The following ATP9A variants were observed in gnomAD, a reference collection of about 807,000 sequenced individuals.
ATP9A encodes the protein ATPase phospholipid transporting 9A.
ATP9A carries 52 observed loss-of-function variants against 144.1 expected under a neutral mutation model. That is an observed-to-expected ratio of 0.36 (90% confidence interval 0.29 to 0.45). The LOEUF is 0.45. ATP9A is among the 20% of genes least tolerant of loss of function. The pLI is 1.00. For synonymous variants in ATP9A, 582 were observed against 557.4 expected, an observed-to-expected ratio of 1.04 and a Z score of -0.62; for missense variants, 947 against 1,392.7, an observed-to-expected ratio of 0.68 and a Z score of 5.09.
intron 14 of ATP9A, among the ~76,000 whole-genome samples, chr20:51,654,498 A>G (rs1308351080): frequency 6.6e-6 from 1 of 151,810 alleles, no homozygotes; most frequent in African/African-American, 2.4e-5. Flanking sequence ...ATGTTGGTAC[A>G]AGAGTTAAAT....
In ATP9A at chr20:51,597,977, G is replaced by A; in HGVS notation, c.*3234C>T. Reference sequence around the variant, plus strand: ...CAGCACGTGGTCTAATGGCCCCAGGGGCTGGAAAAGGGAGGTCTGCTCCAA... The same window carrying A: ...CAGCACGTGGTCTAATGGCCCCAGGAGCTGGAAAAGGGAGGTCTGCTCCAA... On this transcript the variant is annotated 3_prime_UTR_variant, in exon 28 of 28. Transcript: ENST00000338821. 6.6e-6 allele frequency: 1 copy of A among 152,110 alleles called. No homozygotes were observed. The highest frequency in any genetic ancestry group is 1.5e-5 in the Non-Finnish European group (1 of 68,028). 9.4% of individuals were successfully genotyped at this position (152,110 alleles called of 1,614,324 possible). A position where few individuals can be genotyped will look rare whatever the true frequency, so the allele number is the denominator to read the frequency against.
chr20:51,640,609 C>G (rs1601075571), intron 14 of ATP9A, among the ~76,000 whole-genome samples: 1 of 152,242 alleles, frequency 6.6e-6, no homozygotes, highest in South Asian at 2.1e-4. Flanking sequence ...ACAGCACACA[C>G]TCTTCCCTTC....
intron 13 of ATP9A, among the ~76,000 whole-genome samples, chr20:51,665,091 C>T (rs762596622): frequency 8.7e-5 from 6 of 69,122 alleles, no homozygotes; most frequent in Non-Finnish European, 1.6e-4. Flanking sequence ...AAAGTACATA[C>T]ACCTGCTACA....
chr20:51,654,227 T>C (rs1262286572), intron 14 of ATP9A, among the ~76,000 whole-genome samples: 1 of 152,152 alleles, frequency 6.6e-6, no homozygotes, highest in African/African-American at 2.4e-5. Context: ...GCTTGAGCTA[T>C]TCCACAAACA....
chr20:51,698,408 G>C (rs532628861), intron 4 of ATP9A, among the ~76,000 whole-genome samples: 1 of 152,098 alleles, frequency 6.6e-6, no homozygotes, highest in South Asian at 2.1e-4. Flanking sequence ...CTATAGTCCC[G>C]GCTATTCGAG....
At chr20:51,649,472 A>G (rs8125464) in intron 14 of ATP9A, among the ~76,000 whole-genome samples, 7,521 of 152,296 alleles carry the variant, frequency 0.049, 605 homozygotes, top group African/African-American at 0.17. Flanking sequence ...GGCACAGAGC[A>G]GGTATTCAAT....
chr20:51,660,920 T>C (rs1301247726), intron 13 of ATP9A, among the ~76,000 whole-genome samples: 2 of 152,198 alleles, frequency 1.3e-5, no homozygotes, highest in African/African-American at 4.8e-5. Context: ...TATGACTCTT[T>C]TTGCCCTGGG....
At chr20:51,669,962 A>G in intron 13 of ATP9A, 35 bp downstream of exon 13, 1 of 1,492,752 alleles carries the variant, frequency 6.7e-7, no homozygotes, top group Non-Finnish European at 9.3e-7. Flanking sequence ...AAAAAGTCAA[A>G]GAATTGTTTT....
At chr20:51,759,113 G>C (rs1204561642) in intron 1 of ATP9A, among the ~76,000 whole-genome samples, 1 of 152,196 alleles carries the variant, frequency 6.6e-6, no homozygotes, top group East Asian at 1.9e-4. Flanking sequence ...TGTAACTGAA[G>C]GGGATGGCGC....
chr20:51,634,781 G>A (rs1435857353), intron 15 of ATP9A, among the ~76,000 whole-genome samples: 5 of 148,234 alleles, frequency 3.4e-5, no homozygotes, highest in Admixed American at 7.0e-5. Flanking sequence ...CTTGGACCCC[G>A]GAGGCGAAGG....
intron 4 of ATP9A, among the ~76,000 whole-genome samples, chr20:51,702,073 G>A (rs899102317): frequency 5.3e-5 from 8 of 152,150 alleles, no homozygotes; most frequent in African/African-American, 1.9e-4. Context: ...GCCGAGGCAG[G>A]TGGATCATGA....
chr20:51,690,325 C>T, intron 8 of ATP9A, among the ~76,000 whole-genome samples: 1 of 151,810 alleles, frequency 6.6e-6, no homozygotes, highest in East Asian at 1.9e-4. Flanking sequence ...GAGGCTGAGG[C>T]AGGAGAATGG....
chr20:51,671,879 A>T (rs2122788896), intron 11 of ATP9A, among the ~76,000 whole-genome samples: 1 of 152,134 alleles, frequency 6.6e-6, no homozygotes, highest in Middle Eastern at 3.4e-3. Flanking sequence ...GCTCACCACA[A>T]CCTTTGCCTC....
chr20:51,641,669 A>T (rs1186327196), intron 14 of ATP9A, among the ~76,000 whole-genome samples: 7 of 151,272 alleles, frequency 4.6e-5, no homozygotes, highest in Non-Finnish European at 8.8e-5. Context: ...ATAAAAATAA[A>T]AAAAATAAAA....
Position 51,601,164 on chromosome 20 carries a change from C to A in ATP9A, c.*47G>T. The A allele has an allele frequency of 6.5e-7, 1 of 1,539,840 alleles. No individual in the cohort carries two copies. The highest frequency in any genetic ancestry group is 8.7e-7 in the Non-Finnish European group (1 of 1,143,988). ...ATATAAATGGAACTTGAGCTCTGTC[C>A]ATCAGGGAAGCGCCAAGACCAGGGC... On this transcript the variant is annotated 3_prime_UTR_variant, in exon 28 of 28. Coordinates refer to ENST00000338821, the MANE Select transcript of ATP9A (RefSeq NM_006045.3).
Position 51,601,190 on chromosome 20 carries a change from C to A in ATP9A, c.*21G>T. 1 of 1,581,430 alleles carries A rather than the reference C, an allele frequency of 6.3e-7. No homozygotes were observed. The highest frequency in any genetic ancestry group is 8.6e-7 in the Non-Finnish European group (1 of 1,163,252). ...ATCAGGGAAGCGCCAAGACCAGGGCCCCCTCCAGCGAACGCACGGCCTATG... is the reference window on the plus strand; with the variant it reads ...ATCAGGGAAGCGCCAAGACCAGGGCACCCTCCAGCGAACGCACGGCCTATG... On this transcript the variant is annotated 3_prime_UTR_variant, in exon 28 of 28. Coordinates refer to ENST00000338821, the MANE Select transcript of ATP9A (RefSeq NM_006045.3).
chr20:51,615,784 C>T (rs1050345000), intron 22 of ATP9A, among the ~76,000 whole-genome samples: 2 of 152,048 alleles, frequency 1.3e-5, no homozygotes, highest in Non-Finnish European at 2.9e-5. Flanking sequence ...TACAGGCACC[C>T]ACTGCCATGC....
At chr20:51,723,077 G>C (rs558988884) in intron 3 of ATP9A, among the ~76,000 whole-genome samples, 2 of 152,240 alleles carry the variant, frequency 1.3e-5, no homozygotes, top group East Asian at 3.9e-4. Context: ...CCCATAAAAA[G>C]GAATGAATTA....
chr20:51,690,304 C>T (rs1275681062), intron 8 of ATP9A, among the ~76,000 whole-genome samples: 7 of 151,764 alleles, frequency 4.6e-5, no homozygotes, highest in African/African-American at 1.7e-4. Flanking sequence ...CCTGTAATCC[C>T]AGCTACTTGG....
Sources: allele counts gnomAD v4.1 joint callset (sites outside exome capture counted in the v4.1 genomes callset), GRCh38; gene constraint gnomAD v4.1.1; transcripts MANE v1.5; gene names NCBI Gene and HGNC (gene_info 2026-07-23, HGNC 2026-07-21).